PCDHA2: variants seen among roughly 807,000 people sequenced by gnomAD.
The protein encoded by PCDHA2 is protocadherin alpha 2, also known as protocadherin alpha-2.
PCDHA2 carries 58 observed loss-of-function variants against 66.0 expected under a neutral mutation model. The observed-to-expected ratio is 0.88, with a 90% CI of 0.71 to 1.09. The LOEUF (loss-of-function observed/expected upper bound fraction) is 1.09, where lower values mean the gene tolerates loss of function less well. PCDHA2 is among the 50% of genes least tolerant of loss of function. The pLI, the probability that PCDHA2 is intolerant of heterozygous loss-of-function variation, is 0.00. For missense variants in PCDHA2, 1,267 were observed against 1,242.3 expected (o/e 1.02, Z -0.30); for synonymous variants, 634 against 554.0 (o/e 1.14, Z -2.03).
chr5:140,853,428 C>A, intron 1 of PCDHA2: 1 of 985,626 alleles, frequency 1.0e-6, no homozygotes, highest in African/African-American at 1.8e-5. Flanking sequence ...AGAAGAGACA[C>A]TTTCCTATTT....
chr5:140,834,415 G>A, intron 1 of PCDHA2: 1 of 1,611,536 alleles, frequency 6.2e-7, no homozygotes, highest in Non-Finnish European at 8.5e-7. Flanking sequence ...GACCCAGGGG[G>A]CCGACATCTA....
chr5:140,856,717 A>G (rs947466965), intron 1 of PCDHA2: 1 of 1,596,480 alleles, frequency 6.3e-7, no homozygotes, highest in Non-Finnish European at 8.6e-7. Context: ...AATTTACCGG[A>G]TCTGTTTCTC....
In PCDHA2 at chr5:140,795,812, G is replaced by C. The variant is rs782218525; in HGVS notation, c.848G>C (p.Ser283Thr). 1.9e-6 allele frequency: 3 copies of C among 1,613,794 alleles called. No individual in the cohort carries two copies. In the South Asian group the frequency reaches 3.3e-5, roughly 18 times the overall value. Residue 283 changes from serine to threonine, a missense_variant, in exon 1 of 4, where the codon AGT becomes ACT. Transcript: ENST00000526136. The part of the protein sequence containing the change: ...PNSEIVYSLG[S>T]DVSSTIQTKF... ...AGCGAGATTGTGTATTCACTCGGTA[G>C]TGATGTGTCCTCCACTATACAGACT... is the stretch of plus-strand genomic sequence containing the variant.
chr5:141,004,888 G>A lies in PCDHA2; in HGVS notation c.2537-4739G>A, dbSNP rs555046086. ...TTTCTCATCCCTAAAGTGCTATTGT[G>A]TCAGCTCTGCCAGGGTGTAAGGAAA... On this transcript the variant is annotated intron_variant, in intron 3 of 3. Transcript: ENST00000526136. Among the ~76,000 whole-genome samples the A allele has an allele frequency of 2.0e-5, 3 of 152,250 alleles. No individual in the cohort carries two copies. The East Asian group carries it at 5.8e-4, about 29-fold the overall frequency.
intron 3 of PCDHA2, among the ~76,000 whole-genome samples, chr5:140,991,495 A>C (rs1331520722): frequency 6.6e-6 from 1 of 152,220 alleles, no homozygotes; most frequent in Non-Finnish European, 1.5e-5. Flanking sequence ...GTCCACAGTG[A>C]GTTTCACTGG....
At position 140,823,979 on chromosome 5, in the gene PCDHA2, A is replaced by G. The variant is rs1554129682; in HGVS notation, c.2388+26627A>G. 10 of 1,613,672 alleles carry G rather than the reference A, an allele frequency of 6.2e-6. No homozygotes were observed. In the East Asian group the frequency reaches 2.0e-4, roughly 32 times the overall value. On this transcript the variant is annotated intron_variant, in intron 1 of 3. Coordinates refer to ENST00000526136, the MANE Select transcript of PCDHA2 (RefSeq NM_018905.3). ...ACCGAGGCCGTGTGCACACGGGGCAAGCCCACTCTGTTGTGCTCCAGCGCG... is the reference window on the plus strand; with the variant it reads ...ACCGAGGCCGTGTGCACACGGGGCAGGCCCACTCTGTTGTGCTCCAGCGCG...
chr5:140,835,749 G>A, intron 1 of PCDHA2: 1 of 1,613,432 alleles, frequency 6.2e-7, no homozygotes, highest in Non-Finnish European at 8.5e-7. Context: ...CCCGGCGTTC[G>A]CGCAGCCCGA....
At chr5:140,863,393 C>G (rs782189753) in intron 1 of PCDHA2, 2 of 924,736 alleles carry the variant, frequency 2.2e-6, no homozygotes, top group Non-Finnish European at 3.3e-6. Flanking sequence ...TCGTGCATGC[C>G]GGGCAAGCCC....
At chr5:140,856,911 T>C in intron 1 of PCDHA2, 2 of 1,595,928 alleles carry the variant, frequency 1.3e-6, no homozygotes, top group South Asian at 2.2e-5. Context: ...CCACCCACGA[T>C]AAGAAGGAAA....
intron 1 of PCDHA2, chr5:140,871,048 C>G (rs1472650820): frequency 6.2e-7 from 1 of 1,613,230 alleles, no homozygotes; most frequent in Non-Finnish European, 8.5e-7. Flanking sequence ...ACTTCTAGTA[C>G]TGGTGAAGGA....
In PCDHA2 at chr5:140,968,471, G is replaced by A. The variant is rs531821868; in HGVS notation, c.2389-10478G>A. On this transcript the variant is annotated intron_variant, in intron 1 of 3. Coordinates refer to ENST00000526136, the MANE Select transcript of PCDHA2 (RefSeq NM_018905.3). ...CAGCACTGTGACTGCCAACGTATAT[G>A]TGGTGGACATGAATGACCATGCCCC... 3.3e-5 allele frequency: 54 copies of A among 1,614,154 alleles called. No homozygotes were observed. The South Asian group carries it at 5.7e-4, about 17-fold the overall frequency.
chr5:140,956,599 G>A (rs782510228), intron 1 of PCDHA2, among the ~76,000 whole-genome samples: 4 of 152,186 alleles, frequency 2.6e-5, no homozygotes, highest in Non-Finnish European at 5.9e-5. Flanking sequence ...AGGGATATCA[G>A]CTGGAAGTTT....
intron 1 of PCDHA2, chr5:140,861,434 CA>C: frequency 4.1e-6 from 2 of 489,520 alleles, no homozygotes; most frequent in Non-Finnish European, 4.2e-6. Context: ...AGTTGGATTC[CA>C]AAAGCCGCAG....
chr5:140,794,927 A>T lies in PCDHA2; in HGVS notation c.-38A>T. ...TAGAATATTTAAATTTTTGCAAAAC[A>T]TGCTCTTCTAATTTGATCAAAACAT... On this transcript the variant is annotated 5_prime_UTR_variant, in exon 1 of 4. An upstream start codon of the reference 5' UTR is lost. Transcript: ENST00000526136. 1 of 1,559,156 alleles carries T rather than the reference A, an allele frequency of 6.4e-7. No individual in the cohort carries two copies. The highest frequency in any genetic ancestry group is 8.7e-7 in the Non-Finnish European group (1 of 1,155,178).
intron 1 of PCDHA2, chr5:140,802,557 G>A (rs782054123): frequency 3.1e-6 from 5 of 1,614,054 alleles, no homozygotes; most frequent in Admixed American, 1.7e-5. Flanking sequence ...CAATGCGCCG[G>A]CATTCTCGCA....
At chr5:140,884,003 G>T (rs781845787) in intron 1 of PCDHA2, 2 of 1,612,968 alleles carry the variant, frequency 1.2e-6, no homozygotes, top group Non-Finnish European at 8.5e-7. Flanking sequence ...CACAGTGAGC[G>T]AGCTGATGCC....
At chr5:140,968,017 C>T (rs782195997) in intron 1 of PCDHA2, 2 of 1,614,216 alleles carry the variant, frequency 1.2e-6, no homozygotes, top group East Asian at 2.2e-5. Context: ...GCTTTGGAAA[C>T]TCCTATACAC....
intron 1 of PCDHA2, chr5:140,824,610 G>GGTTTTTTTTT (rs1768189767): frequency 1.1e-5 from 1 of 95,104 alleles, no homozygotes; most frequent in African/African-American, 4.9e-5. Context: ...GCTAATTAAA[G>GGTTTTTTTTT]TTTTTTTTTT....
intron 1 of PCDHA2, among the ~76,000 whole-genome samples, chr5:140,956,777 G>A (rs1470027067): frequency 6.6e-6 from 1 of 152,022 alleles, no homozygotes; most frequent in Admixed American, 6.6e-5. Context: ...GTCTGGTCCT[G>A]GGCTTTGTTT....
Sources: gnomAD v4.1 joint callset for allele counts (sites outside exome capture counted in the v4.1 genomes callset) on GRCh38, gnomAD v4.1.1 for gene constraint, MANE v1.5 for transcripts, NCBI Gene and HGNC (gene_info 2026-07-23, HGNC 2026-07-21) for gene names.